SNTG1: variants seen among roughly 807,000 people sequenced by gnomAD.
SNTG1 encodes the protein gamma-1-syntrophin.
SNTG1 carries 39 observed loss-of-function variants against 74.7 expected under a neutral mutation model. That is an observed-to-expected ratio of 0.52 (90% confidence interval 0.40 to 0.68). The LOEUF is 0.68. Among genes scored for constraint, SNTG1 ranks in the 30% least tolerant of loss-of-function variants. SNTG1 has a pLI of 0.00. For missense variants in SNTG1, 685 were observed against 609.5 expected (o/e 1.12, Z -1.30); for synonymous variants, 254 against 217.1 (o/e 1.17, Z -1.49).
At chr8:49,919,523 G>A (rs79110889) in intron 1 of SNTG1, among the ~76,000 whole-genome samples, 1,941 of 152,168 alleles carry the variant, frequency 0.013, 44 homozygotes, top group African/African-American at 0.043. Context: ...GCAAAAGTGG[G>A]CTCATTGGCT....
At chr8:50,757,393 G>A (rs1048852275) in intron 18 of SNTG1, among the ~76,000 whole-genome samples, 2 of 151,640 alleles carry the variant, frequency 1.3e-5, no homozygotes, top group African/African-American at 2.4e-5. Context: ...GGATTGTTAC[G>A]TCTTTTTTGG....
At chr8:50,743,672 T>C (rs1585690541) in intron 17 of SNTG1, among the ~76,000 whole-genome samples, 2 of 149,170 alleles carry the variant, frequency 1.3e-5, no homozygotes, top group African/African-American at 2.4e-5. Flanking sequence ...CCAAAGAAAA[T>C]TGAAAATTAG....
intron 13 of SNTG1, among the ~76,000 whole-genome samples, chr8:50,643,460 C>G (rs530700756): frequency 6.6e-6 from 1 of 152,138 alleles, no homozygotes; most frequent in East Asian, 1.9e-4. Flanking sequence ...AAGCAGCTGG[C>G]AAGAGGGGAA....
At chr8:49,995,984 G>A (rs1814173417) in intron 1 of SNTG1, among the ~76,000 whole-genome samples, 1 of 152,136 alleles carries the variant, frequency 6.6e-6, no homozygotes, top group Non-Finnish European at 1.5e-5. Flanking sequence ...CCAGGGAGTA[G>A]AACTAGAAGG....
chr8:50,362,747 T>G (rs2091995192), intron 2 of SNTG1, among the ~76,000 whole-genome samples: 1 of 152,190 alleles, frequency 6.6e-6, no homozygotes, highest in Non-Finnish European at 1.5e-5. Flanking sequence ...ATAATTTATA[T>G]CAGGTGCTAT....
intron 16 of SNTG1, chr8:50,708,149 C>T (rs1044464937): frequency 7.8e-5 from 15 of 192,354 alleles, no homozygotes; most frequent in African/African-American, 2.8e-4. Flanking sequence ...TGCAGTGAGC[C>T]GACACCGCAC....
At chr8:49,912,437 T>C (rs1285960166) in intron 1 of SNTG1, among the ~76,000 whole-genome samples, 1 of 152,198 alleles carries the variant, frequency 6.6e-6, no homozygotes, top group African/African-American at 2.4e-5. Context: ...CAGTAAACTT[T>C]TAGCTGGCCA....
intron 10 of SNTG1, among the ~76,000 whole-genome samples, chr8:50,531,559 T>G (rs1319055833): frequency 6.6e-6 from 1 of 152,198 alleles, no homozygotes; most frequent in Non-Finnish European, 1.5e-5. Flanking sequence ...CTGTTTTCCT[T>G]CACCGCGCTG....
At chr8:50,350,909 C>T (rs1302975574) in intron 2 of SNTG1, among the ~76,000 whole-genome samples, 2 of 152,206 alleles carry the variant, frequency 1.3e-5, no homozygotes, top group Non-Finnish European at 1.5e-5. Context: ...AGCAGGCCGC[C>T]CAAACCAGCA....
chr8:50,535,005 A>T (rs1439736577), intron 10 of SNTG1, among the ~76,000 whole-genome samples: 4 of 152,122 alleles, frequency 2.6e-5, no homozygotes, highest in Non-Finnish European at 5.9e-5. Flanking sequence ...ATTTCTCGAG[A>T]ATATAATATT....
chr8:50,712,553 A>C (rs1014923113), intron 17 of SNTG1, among the ~76,000 whole-genome samples: 15 of 152,144 alleles, frequency 9.9e-5, no homozygotes, highest in African/African-American at 3.6e-4. Flanking sequence ...TTTGTTACAT[A>C]GGTATATATG....
intron 1 of SNTG1, among the ~76,000 whole-genome samples, chr8:50,040,689 C>T (rs534181453): frequency 1.2e-3 from 188 of 152,096 alleles, no homozygotes; most frequent in African/African-American, 4.3e-3. Flanking sequence ...CAAAGAAAGA[C>T]GTTATGTGAA....
intron 2 of SNTG1, among the ~76,000 whole-genome samples, chr8:50,349,839 C>A (rs1159054128): frequency 1.3e-5 from 2 of 152,190 alleles, no homozygotes; most frequent in South Asian, 2.1e-4. Flanking sequence ...GCCCTTCAGC[C>A]AACTGCTGCA....
chr8:50,139,347 A>G (rs1168990568), intron 1 of SNTG1, among the ~76,000 whole-genome samples: 1 of 152,216 alleles, frequency 6.6e-6, no homozygotes, highest in Non-Finnish European at 1.5e-5. Flanking sequence ...GGATATTTGT[A>G]TGCATAATTT....
intron 2 of SNTG1, among the ~76,000 whole-genome samples, chr8:50,182,941 A>T (rs2083258379): frequency 6.6e-6 from 1 of 152,058 alleles, no homozygotes; most frequent in Admixed American, 6.6e-5. Flanking sequence ...TAAATATATT[A>T]TTCTCCCCTT....
chr8:49,982,848 G>A (rs1222762338), intron 1 of SNTG1, among the ~76,000 whole-genome samples: 1 of 152,144 alleles, frequency 6.6e-6, no homozygotes, highest in Non-Finnish European at 1.5e-5. Context: ...GAAGATGTCA[G>A]AATACTTCAG....
chr8:50,511,612 A>T (rs543762182), intron 9 of SNTG1, among the ~76,000 whole-genome samples: 27 of 152,308 alleles, frequency 1.8e-4, no homozygotes, highest in African/African-American at 6.5e-4. Flanking sequence ...TATTCAGTCC[A>T]TGCATATTTA....
intron 2 of SNTG1, among the ~76,000 whole-genome samples, chr8:50,329,524 C>T (rs1167165353): frequency 6.6e-6 from 1 of 152,032 alleles, no homozygotes; most frequent in Non-Finnish European, 1.5e-5. Context: ...GCCCTTGCAC[C>T]CTCTAAAGCA....
intron 12 of SNTG1, among the ~76,000 whole-genome samples, chr8:50,556,903 C>T (rs2094458744): frequency 6.6e-6 from 1 of 152,150 alleles, no homozygotes; most frequent in African/African-American, 2.4e-5. Context: ...TTCTAACCCA[C>T]ACTAATCACA....
Sources: gnomAD v4.1 joint callset for allele counts (sites outside exome capture counted in the v4.1 genomes callset) on GRCh38, gnomAD v4.1.1 for gene constraint, MANE v1.5 for transcripts, NCBI Gene and HGNC (gene_info 2026-07-23, HGNC 2026-07-21) for gene names.